Variants in GPR39 observed in about 807,000 individuals in gnomAD.
GPR39 encodes zinc sensing receptor.
Under a neutral mutation model 18.4 loss-of-function variants are expected in GPR39, and 23 were observed. The ratio of observed to expected loss-of-function variants is 1.25; its 90% CI spans 0.90 to 1.77. The LOEUF is 1.77. Among genes scored for constraint, GPR39 ranks in the 40% most tolerant of loss-of-function variants. The pLI is 0.00. For missense variants in GPR39, 647 were observed against 602.4 expected, an observed-to-expected ratio of 1.07 and a Z score of -0.78; for synonymous variants, 280 against 257.9, an observed-to-expected ratio of 1.09 and a Z score of -0.82.
chr2:132,495,065 A>C (rs1681613686), intron 1 of GPR39, among the ~76,000 whole-genome samples: 1 of 152,140 alleles, frequency 6.6e-6, no homozygotes, highest in Non-Finnish European at 1.5e-5. Flanking sequence ...AGACACATCA[A>C]AGACACTAGG....
At chr2:132,620,853 C>G (rs935722361) in intron 1 of GPR39, among the ~76,000 whole-genome samples, 1 of 152,124 alleles carries the variant, frequency 6.6e-6, no homozygotes, top group Non-Finnish European at 1.5e-5. Flanking sequence ...CCCAGGTTCA[C>G]GCCATTCTCC....
chr2:132,417,445 A>G lies in GPR39; in HGVS notation c.403A>G (p.Ile135Val), dbSNP rs747483038. ...HVLTLSFERY[I>V]AICHPFRYKA... ...GCTGACACTCAGCTTTGAGCGCTACATCGCCATCTGTCACCCCTTCAGGTA... is the reference window on the plus strand; with the variant it reads ...GCTGACACTCAGCTTTGAGCGCTACGTCGCCATCTGTCACCCCTTCAGGTA... The change falls in exon 1 of 2, where the codon ATC (isoleucine) becomes GTC (valine). Residue 135 changes from isoleucine (I) to valine (V), a missense_variant. This residue lies in a region of GPR39 where 581 missense variants were observed against 506.8 expected (regional missense o/e 1.15). Transcript: ENST00000329321. 23 of 1,614,036 alleles carry G rather than the reference A, an allele frequency of 1.4e-5. No individual in the cohort carries two copies. The highest frequency in any genetic ancestry group is 1.6e-4 in the Middle Eastern group (1 of 6,084).
At chr2:132,591,262 A>AAAAAAAAG (rs1680833018) in intron 1 of GPR39, among the ~76,000 whole-genome samples, 1 of 127,406 alleles carries the variant, frequency 7.8e-6, no homozygotes, top group African/African-American at 3.4e-5. Context: ...CGTCTCAAAA[A>AAAAAAAAG]AAAAAAAAAA....
Position 132,585,948 on chromosome 2 carries a change from G to GTT in GPR39, c.857-59130_857-59129dup, listed in dbSNP as rs397985921. 9.8e-3 allele frequency among the ~76,000 whole-genome samples: 618 copies of GTT among 62,926 alleles called. 36 individuals are homozygous for GTT. Among genetic ancestry groups the GTT allele is most frequent in the African/African-American group, 0.04 (544 of 13,670 alleles). 41.3% of individuals were successfully genotyped at this position (62,926 alleles called of 152,430 possible). A position where few individuals can be genotyped will look rare whatever the true frequency, so the allele number is the denominator to read the frequency against. On this transcript the variant is annotated intron_variant, in intron 1 of 1. Coordinates refer to ENST00000329321, the MANE Select transcript of GPR39 (RefSeq NM_001508.3). ...GATCGGGCTTCTCGAAGCATCCCCG[G>GTT]TTTTTTTTTTTTTTTTTTTTTTTTA...
intron 1 of GPR39, among the ~76,000 whole-genome samples, chr2:132,489,425 G>A (rs1408754831): frequency 6.6e-6 from 1 of 152,084 alleles, no homozygotes; most frequent in African/African-American, 2.4e-5. Context: ...ACTGGGGCTG[G>A]CGGCAGGCCG....
At chr2:132,643,642 A>G (rs1681912681) in intron 1 of GPR39, among the ~76,000 whole-genome samples, 1 of 152,168 alleles carries the variant, frequency 6.6e-6, no homozygotes, top group African/African-American at 2.4e-5. Flanking sequence ...GCCCCCAAAA[A>G]GTATCTGAGA....
At chr2:132,587,374 AT>A (rs1392344338) in intron 1 of GPR39, among the ~76,000 whole-genome samples, 1 of 152,222 alleles carries the variant, frequency 6.6e-6, no homozygotes, top group African/African-American at 2.4e-5. Context: ...AAGAACCAGG[AT>A]ACTGTTAAAG....
chr2:132,576,584 T>A (rs914582101), intron 1 of GPR39, among the ~76,000 whole-genome samples: 4 of 152,074 alleles, frequency 2.6e-5, no homozygotes, highest in African/African-American at 9.7e-5. Flanking sequence ...TCCCAGGAGG[T>A]GGAGGCTGCA....
Position 132,596,334 on chromosome 2 carries a change from C to G in GPR39, c.857-48767C>G, listed in dbSNP as rs1409239240. On this transcript the variant is annotated intron_variant, in intron 1 of 1. Coordinates refer to ENST00000329321, the MANE Select transcript of GPR39 (RefSeq NM_001508.3). Reference sequence around the variant, plus strand: ...CTAGGGGCTTTGTTTTCCTTACTCCCCTTTTCCTTTTCTCTCTCTTTGTTT... The same window carrying G: ...CTAGGGGCTTTGTTTTCCTTACTCCGCTTTTCCTTTTCTCTCTCTTTGTTT... Among the ~76,000 whole-genome samples the G allele has an allele frequency of 3.3e-5, 5 of 152,104 alleles. No homozygotes were observed. The East Asian group carries it at 9.7e-4, about 29-fold the overall frequency.
At chr2:132,433,311 G>A (rs1309067000) in intron 1 of GPR39, among the ~76,000 whole-genome samples, 1 of 152,136 alleles carries the variant, frequency 6.6e-6, no homozygotes, top group African/African-American at 2.4e-5. Flanking sequence ...ATTAGCTACA[G>A]TAATTTTTTG....
chr2:132,511,129 T>C (rs1408964021), intron 1 of GPR39, among the ~76,000 whole-genome samples: 1 of 152,172 alleles, frequency 6.6e-6, no homozygotes. Context: ...ATTGCAAGAA[T>C]TCCCAGCATC....
At chr2:132,506,090 T>G (rs1287596133) in intron 1 of GPR39, among the ~76,000 whole-genome samples, 2 of 152,208 alleles carry the variant, frequency 1.3e-5, no homozygotes, top group Admixed American at 6.5e-5. Flanking sequence ...TAATAGCCAT[T>G]TTAACTAGAG....
At chr2:132,598,856 C>T (rs1393964706) in intron 1 of GPR39, among the ~76,000 whole-genome samples, 3 of 152,080 alleles carry the variant, frequency 2.0e-5, no homozygotes, top group African/African-American at 7.2e-5. Flanking sequence ...TAACAAGGTC[C>T]CTGTCCTCAA....
chr2:132,646,281 C>A lies in GPR39; in HGVS notation c.*675C>A. ...GCACAGGACTTGCGGTACATGATCC[C>A]TGTAACACAGACCCAAAGGAGCTGA... On this transcript the variant is annotated 3_prime_UTR_variant, in exon 2 of 2. Transcript: ENST00000329321. 1 of 1,486,418 alleles carries A rather than the reference C, an allele frequency of 6.7e-7. No homozygotes were observed. The highest frequency in any genetic ancestry group is 9.0e-7 in the Non-Finnish European group (1 of 1,111,616). The allele number at this position is 1,486,418 out of a possible 1,614,324, so 92.1% of individuals were successfully genotyped here.
chr2:132,602,678 A>G (rs1681062897), intron 1 of GPR39, among the ~76,000 whole-genome samples: 1 of 152,120 alleles, frequency 6.6e-6, no homozygotes, highest in Non-Finnish European at 1.5e-5. Context: ...AAGAATTCAA[A>G]TAACTCAAAA....
At chr2:132,471,301 C>T (rs1558808023) in intron 1 of GPR39, among the ~76,000 whole-genome samples, 1 of 151,978 alleles carries the variant, frequency 6.6e-6, no homozygotes, top group African/African-American at 2.4e-5. Context: ...TGCCTGTCTC[C>T]TCATACTCAT....
At chr2:132,458,410 A>C (rs1680771924) in intron 1 of GPR39, among the ~76,000 whole-genome samples, 1 of 138,178 alleles carries the variant, frequency 7.2e-6, no homozygotes, top group African/African-American at 2.8e-5. Flanking sequence ...ATTTTCCATG[A>C]GCTCATATAT....
At chr2:132,609,081 G>A (rs1472580369) in intron 1 of GPR39, among the ~76,000 whole-genome samples, 3 of 152,208 alleles carry the variant, frequency 2.0e-5, no homozygotes, top group Non-Finnish European at 2.9e-5. Context: ...AAAGGTGCCC[G>A]GGATGTTTTA....
intron 1 of GPR39, among the ~76,000 whole-genome samples, chr2:132,547,919 G>A (rs979254324): frequency 1.1e-4 from 16 of 152,180 alleles, no homozygotes; most frequent in African/African-American, 3.9e-4. Context: ...AAATTTGCTT[G>A]TAAATGACTT....
Sources: allele counts gnomAD v4.1 joint callset (sites outside exome capture counted in the v4.1 genomes callset), GRCh38; gene constraint gnomAD v4.1.1; regional missense constraint gnomAD v4.1.1; transcripts MANE v1.5; gene names NCBI Gene and HGNC (gene_info 2026-07-23, HGNC 2026-07-21).